Variants in NRXN1 observed in about 807,000 individuals in gnomAD.
NRXN1 encodes neurexin 1, also known as neurexin-1.
In NRXN1, 39 loss-of-function variants were observed where a neutral mutation model predicts 150.9. The ratio of observed to expected loss-of-function variants is 0.26; its 90% CI spans 0.20 to 0.34. The LOEUF (loss-of-function observed/expected upper bound fraction) is 0.34. Among genes scored for constraint, NRXN1 ranks in the 10% least tolerant of loss-of-function variants. NRXN1 has a pLI of 1.00. For synonymous variants in NRXN1, 924 were observed against 757.0 expected (o/e 1.22, Z -3.62); for missense variants, 1,815 against 1,949.9 (o/e 0.93, Z 1.30).
chr2:49,976,641 T>G (rs1679046211), intron 21 of NRXN1, among the ~76,000 whole-genome samples: 1 of 151,900 alleles, frequency 6.6e-6, no homozygotes, highest in Non-Finnish European at 1.5e-5. Flanking sequence ...ATAGTGTAGG[T>G]GTGGGCAAGA....
intron 5 of NRXN1, among the ~76,000 whole-genome samples, chr2:50,886,673 T>C (rs1680298996): frequency 6.6e-6 from 1 of 151,402 alleles, no homozygotes; most frequent in South Asian, 2.1e-4. Flanking sequence ...GGAGTGTTTG[T>C]GTGAAACAGA....
At chr2:49,927,164 C>T (rs954994923) in intron 22 of NRXN1, among the ~76,000 whole-genome samples, 5 of 152,184 alleles carry the variant, frequency 3.3e-5, no homozygotes, top group Non-Finnish European at 5.9e-5. Context: ...TTTCAAAACA[C>T]AATGTAAAAT....
intron 17 of NRXN1, among the ~76,000 whole-genome samples, chr2:50,384,323 G>C (rs1419198643): frequency 6.6e-6 from 1 of 151,800 alleles, no homozygotes; most frequent in African/African-American, 2.4e-5. Flanking sequence ...TGGCCAACAC[G>C]GTGAAACCCC....
At chr2:50,797,225 T>C (rs1388426887) in intron 5 of NRXN1, among the ~76,000 whole-genome samples, 1 of 152,196 alleles carries the variant, frequency 6.6e-6, no homozygotes, top group Admixed American at 6.6e-5. Flanking sequence ...TATTGTTATA[T>C]GGAAGCTGAG....
intron 2 of NRXN1, among the ~76,000 whole-genome samples, chr2:51,021,403 C>T (rs561176093): frequency 9.2e-5 from 14 of 151,802 alleles, no homozygotes; most frequent in Non-Finnish European, 5.9e-5. Context: ...TGTCTCAGAG[C>T]CCTGGTTTTC....
chr2:50,979,034 C>T (rs2104861816), intron 2 of NRXN1, among the ~76,000 whole-genome samples: 1 of 152,164 alleles, frequency 6.6e-6, no homozygotes, highest in East Asian at 1.9e-4. Context: ...CAGCATAACT[C>T]ATATGTCCCA....
At chr2:51,030,575 G>A (rs1357185491) in intron 1 of NRXN1, among the ~76,000 whole-genome samples, 2 of 150,036 alleles carry the variant, frequency 1.3e-5, no homozygotes, top group African/African-American at 2.5e-5. Context: ...CACACACAGT[G>A]TGGGTGTGCG....
At chr2:50,580,540 G>A (rs544663939) in intron 8 of NRXN1, among the ~76,000 whole-genome samples, 2 of 152,272 alleles carry the variant, frequency 1.3e-5, no homozygotes, top group African/African-American at 4.8e-5. Flanking sequence ...GACAGATTAT[G>A]AGACACTTCT....
At chr2:49,926,208 T>A in intron 22 of NRXN1, 1 of 396,244 alleles carries the variant, frequency 2.5e-6, no homozygotes, top group Non-Finnish European at 4.4e-6. Flanking sequence ...TATATTCACT[T>A]CTTTCTCACT....
intron 17 of NRXN1, among the ~76,000 whole-genome samples, chr2:50,403,924 C>T (rs1162437526): frequency 1.3e-5 from 2 of 152,070 alleles, no homozygotes; most frequent in Non-Finnish European, 2.9e-5. Context: ...GCCCTCTGAA[C>T]ATAAGACAAT....
At chr2:50,860,518 C>T (rs1265482686) in intron 5 of NRXN1, among the ~76,000 whole-genome samples, 1 of 152,056 alleles carries the variant, frequency 6.6e-6, no homozygotes, top group African/African-American at 2.4e-5. Flanking sequence ...GAAAACAACA[C>T]ATTGCAGAGG....
intron 8 of NRXN1, among the ~76,000 whole-genome samples, chr2:50,564,508 T>C (rs13035755): frequency 0.12 from 18,852 of 152,194 alleles, 1,315 homozygotes; most frequent in African/African-American, 0.19. Flanking sequence ...ACAAATAGTA[T>C]TTTTAAAGTA....
intron 2 of NRXN1, among the ~76,000 whole-genome samples, chr2:50,989,776 A>G (rs1698270268): frequency 6.6e-6 from 1 of 152,014 alleles, no homozygotes; most frequent in Non-Finnish European, 1.5e-5. Flanking sequence ...ACAGGTTTTG[A>G]TTTCTGGTAT....
intron 5 of NRXN1, among the ~76,000 whole-genome samples, chr2:50,747,877 C>G (rs550577366): frequency 6.6e-6 from 1 of 152,154 alleles, no homozygotes; most frequent in South Asian, 2.1e-4. Context: ...GCCCAAGGCT[C>G]GCAACCAGGA....
intron 5 of NRXN1, among the ~76,000 whole-genome samples, chr2:50,775,078 A>T (rs901209694): frequency 2.0e-5 from 3 of 152,182 alleles, no homozygotes; most frequent in Non-Finnish European, 1.5e-5. Flanking sequence ...AGCACAAATT[A>T]GAAAGAATGT....
At chr2:50,281,190 G>A (rs1404983877) in intron 17 of NRXN1, among the ~76,000 whole-genome samples, 8 of 151,018 alleles carry the variant, frequency 5.3e-5, no homozygotes, top group Middle Eastern at 3.4e-3. Flanking sequence ...TGGTGGCGGC[G>A]CCTGTGGTCC....
chr2:50,910,304 T>C (rs528354553), intron 5 of NRXN1, among the ~76,000 whole-genome samples: 3 of 152,160 alleles, frequency 2.0e-5, no homozygotes, highest in South Asian at 2.1e-4. Context: ...TGTTCCACTA[T>C]TGTGCATTCA....
chr2:50,725,247 C>G (rs1479443557), intron 5 of NRXN1, among the ~76,000 whole-genome samples: 1 of 149,694 alleles, frequency 6.7e-6, no homozygotes, highest in Non-Finnish European at 1.5e-5. Flanking sequence ...TTGGTATTAT[C>G]AAAAATAAAG....
intron 17 of NRXN1, among the ~76,000 whole-genome samples, chr2:50,271,993 G>A (rs1036744121): frequency 6.6e-6 from 1 of 152,016 alleles, no homozygotes; most frequent in African/African-American, 2.4e-5. Context: ...TTCCTCCAAG[G>A]GGGGGTCACA....
Sources: gnomAD v4.1 joint callset for allele counts (sites outside exome capture counted in the v4.1 genomes callset) on GRCh38, gnomAD v4.1.1 for gene constraint, MANE v1.5 for transcripts, NCBI Gene and HGNC (gene_info 2026-07-23, HGNC 2026-07-21) for gene names.